The following CEP63 variants were observed in gnomAD, a reference collection of about 807,000 sequenced individuals.
CEP63 encodes centrosomal protein 63, also known as centrosomal protein of 63 kDa.
CEP63 carries 84 observed loss-of-function variants against 89.1 expected under a neutral mutation model. The ratio of observed to expected loss-of-function variants is 0.94; its 90% CI spans 0.79 to 1.13. The LOEUF (loss-of-function observed/expected upper bound fraction) is 1.13, where lower values mean the gene tolerates loss of function less well. CEP63 is among the 50% of genes most tolerant of loss of function. CEP63 has a pLI of 0.00. For missense variants in CEP63, 838 were observed against 813.3 expected (o/e 1.03, Z -0.37); for synonymous variants, 267 against 272.5 (o/e 0.98, Z 0.20).
At chr3:134,501,088 A>AC (rs1380280588) in intron 2 of CEP63, among the ~76,000 whole-genome samples, 4 of 152,204 alleles carry the variant, frequency 2.6e-5, no homozygotes, top group African/African-American at 9.6e-5. Flanking sequence ...CATTTATTGA[A>AC]CAGAGTATCC....
Position 134,537,281 on chromosome 3 carries a change from CT to C in CEP63, c.555+18del. 6.6e-7 allele frequency: 1 copy of C among 1,519,554 alleles called. No individual in the cohort carries two copies. The highest frequency in any genetic ancestry group is 9.1e-7 in the Non-Finnish European group (1 of 1,093,616). 94.1% of individuals were successfully genotyped at this position (1,519,554 alleles called of 1,614,324 possible). On this transcript the variant is annotated intron_variant, in intron 6 of 14. Coordinates refer to ENST00000675561, the MANE Select transcript of CEP63 (RefSeq NM_001353108.3). ...AGAGATAATTCAGGTAGGCCTAAGACTTTTTAAAATAATGAGAAGCAGATAG... is the reference window on the plus strand; with the variant it reads ...AGAGATAATTCAGGTAGGCCTAAGACTTTTAAAATAATGAGAAGCAGATAG...
chr3:134,560,481 C>T (rs941142451), intron 14 of CEP63, among the ~76,000 whole-genome samples: 5 of 152,190 alleles, frequency 3.3e-5, no homozygotes, highest in Non-Finnish European at 5.9e-5. Flanking sequence ...CAGCACTCTG[C>T]CTTGTTGCCC....
chr3:134,772,543 C>T, the CEP63 span, among the ~76,000 whole-genome samples: 1 of 151,966 alleles, frequency 6.6e-6, no homozygotes, highest in Non-Finnish European at 1.5e-5. Context: ...TTCCCTTTCT[C>T]CTCTTCATTA....
At chr3:134,740,256 T>G in the CEP63 span, among the ~76,000 whole-genome samples, 2 of 149,480 alleles carry the variant, frequency 1.3e-5, no homozygotes, top group Admixed American at 6.8e-5. Context: ...TAGGAGCACT[T>G]ATTCTTTTCT....
the CEP63 span, among the ~76,000 whole-genome samples, chr3:134,599,036 A>ACACAGCAGGGCCCTTCAGATGTTC: frequency 1.3e-5 from 2 of 152,178 alleles, no homozygotes; most frequent in Non-Finnish European, 2.9e-5. Context: ...CAGGCTCTTA[A>ACACAGCAGGGCCCTTCAGATGTTC]CACAGCAGGG....
chr3:134,493,833 T>C (rs1040258731), intron 1 of CEP63, among the ~76,000 whole-genome samples: 5 of 152,214 alleles, frequency 3.3e-5, no homozygotes, highest in African/African-American at 1.2e-4. Context: ...TTGAGTAAAA[T>C]AATCTACTTC....
At chr3:134,614,295 A>T in the CEP63 span, among the ~76,000 whole-genome samples, 1 of 152,174 alleles carries the variant, frequency 6.6e-6, no homozygotes, top group African/African-American at 2.4e-5. Context: ...AGATTTATTT[A>T]ATGACCTCAG....
chr3:134,616,752 T>C, the CEP63 span, among the ~76,000 whole-genome samples: 2 of 152,206 alleles, frequency 1.3e-5, no homozygotes, highest in Non-Finnish European at 2.9e-5. Flanking sequence ...AGTGTCAATT[T>C]TCTGAATCTA....
the CEP63 span, among the ~76,000 whole-genome samples, chr3:134,615,019 A>G: frequency 3.5e-4 from 53 of 152,366 alleles, no homozygotes; most frequent in East Asian, 6.7e-3. Flanking sequence ...ATACTGCAGC[A>G]GGACAAACAA....
chr3:134,674,279 G>T, the CEP63 span, among the ~76,000 whole-genome samples: 2 of 152,086 alleles, frequency 1.3e-5, no homozygotes, highest in Non-Finnish European at 2.9e-5. Context: ...ATGCAAGGTT[G>T]GCTCAACATA....
intron 8 of CEP63, 98 bp downstream of exon 8, chr3:134,546,386 T>C: frequency 8.7e-7 from 1 of 1,153,108 alleles, no homozygotes; most frequent in Non-Finnish European, 1.2e-6. Context: ...TATTTTCAGA[T>C]AGTCTCCTGT....
the CEP63 span, among the ~76,000 whole-genome samples, chr3:134,612,068 C>A: frequency 5.2e-4 from 79 of 152,282 alleles, no homozygotes; most frequent in African/African-American, 1.8e-3. Flanking sequence ...TCTGCCTTAA[C>A]CTCTGCTCAC....
the CEP63 span, among the ~76,000 whole-genome samples, chr3:134,700,417 T>A: frequency 2.0e-5 from 3 of 152,168 alleles, no homozygotes; most frequent in Non-Finnish European, 4.4e-5. Flanking sequence ...AAAAGACAAA[T>A]AGTCCTATAA....
At chr3:134,643,326 G>A in the CEP63 span, 3 of 1,613,806 alleles carry the variant, frequency 1.9e-6, no homozygotes, top group Non-Finnish European at 2.5e-6. Flanking sequence ...CTTGGCTGTT[G>A]TAGGAAGTGA....
chr3:134,495,478 A>G (rs1276484769), intron 2 of CEP63, 114 bp downstream of exon 2: 2 of 726,880 alleles, frequency 2.8e-6, no homozygotes, highest in Non-Finnish European at 5.0e-6. Context: ...AAATAAGGGT[A>G]TTTAGTATAC....
chr3:134,540,004 C>G (rs149587249), intron 6 of CEP63, among the ~76,000 whole-genome samples: 3 of 151,992 alleles, frequency 2.0e-5, no homozygotes, highest in Non-Finnish European at 2.9e-5. Flanking sequence ...TAGGAAAAAC[C>G]TATATGCACT....
chr3:134,590,039 T>C (rs1368081406), downstream of CEP63, among the ~76,000 whole-genome samples: 1 of 151,986 alleles, frequency 6.6e-6, no homozygotes, highest in Non-Finnish European at 1.5e-5. Flanking sequence ...ATGTGGGAGC[T>C]AAAGATTGAG....
intron 1 of CEP63, among the ~76,000 whole-genome samples, chr3:134,494,804 C>T (rs1939176052): frequency 6.6e-6 from 1 of 152,132 alleles, no homozygotes; most frequent in Admixed American, 6.5e-5. Flanking sequence ...GCAGGAAGCT[C>T]TATGAGCCTG....
intron 2 of CEP63, among the ~76,000 whole-genome samples, chr3:134,500,444 C>T (rs560798561): frequency 6.6e-6 from 1 of 152,158 alleles, no homozygotes; most frequent in East Asian, 1.9e-4. Flanking sequence ...TATTTTCCTT[C>T]GAGTATATAC....
Sources: allele counts gnomAD v4.1 joint callset (sites outside exome capture counted in the v4.1 genomes callset), GRCh38; gene constraint gnomAD v4.1.1; transcripts MANE v1.5; gene names NCBI Gene and HGNC (gene_info 2026-07-23, HGNC 2026-07-21).